Variants in ADAMTS12 observed in about 807,000 individuals in gnomAD.
The protein encoded by ADAMTS12 is A disintegrin and metalloproteinase with thrombospondin motifs 12.
A neutral mutation model predicts 167.8 loss-of-function variants in ADAMTS12; 118 were observed. The ratio of observed to expected loss-of-function variants is 0.70; its 90% CI spans 0.61 to 0.82. ADAMTS12 has a LOEUF of 0.82. Ranked by LOEUF, ADAMTS12 falls within the 40% of genes least tolerant of loss-of-function variation. The pLI is 0.00. For synonymous variants in ADAMTS12, 704 were observed against 716.9 expected, an observed-to-expected ratio of 0.98 and a Z score of 0.29; for missense variants, 1,916 against 1,998.8, an observed-to-expected ratio of 0.96 and a Z score of 0.79.
chr5:33,857,358 G>C (rs1749441749), intron 2 of ADAMTS12, among the ~76,000 whole-genome samples: 1 of 151,356 alleles, frequency 6.6e-6, no homozygotes, highest in South Asian at 2.1e-4. Flanking sequence ...TGTGACTGTT[G>C]TTAACAATAC....
chr5:33,806,047 T>C (rs994084278), intron 2 of ADAMTS12, among the ~76,000 whole-genome samples: 1 of 152,210 alleles, frequency 6.6e-6, no homozygotes, highest in African/African-American at 2.4e-5. Flanking sequence ...TAAAATTAGA[T>C]ACTTTTTTAC....
intron 2 of ADAMTS12, among the ~76,000 whole-genome samples, chr5:33,869,606 T>C (rs1361957414): frequency 6.6e-6 from 1 of 152,108 alleles, no homozygotes; most frequent in Non-Finnish European, 1.5e-5. Context: ...AAGTTTTTAT[T>C]AGCGATTTTC....
chr5:33,636,697 A>C (rs1740211831), intron 12 of ADAMTS12, among the ~76,000 whole-genome samples: 1 of 152,204 alleles, frequency 6.6e-6, no homozygotes, highest in African/African-American at 2.4e-5. Flanking sequence ...AAAATCATGA[A>C]AAATTTGATT....
At chr5:33,853,402 T>C (rs916005478) in intron 2 of ADAMTS12, among the ~76,000 whole-genome samples, 1 of 152,130 alleles carries the variant, frequency 6.6e-6, no homozygotes, top group African/African-American at 2.4e-5. Context: ...AGACAAGAAT[T>C]AAAGAGCATG....
In ADAMTS12 at chr5:33,631,483, GTTGAA is replaced by G. The variant is rs1235715337; in HGVS notation, c.1889-575_1889-571del. Among the ~76,000 whole-genome samples, 5 of 144,762 alleles carry G rather than the reference GTTGAA, an allele frequency of 3.5e-5. No individual in the cohort carries two copies. The East Asian group carries it at 1.0e-3, about 29-fold the overall frequency. 95.0% of individuals were successfully genotyped at this position (144,762 alleles called of 152,430 possible). On this transcript the variant is annotated intron_variant, in intron 12 of 23. Transcript: ENST00000504830. ...ACAACCATGTAGAAACATTTTTTTTGTTGAAGCTGAAGCCAACCTGCTTATCATAG... is the reference window on the plus strand; with the variant it reads ...ACAACCATGTAGAAACATTTTTTTTGGCTGAAGCCAACCTGCTTATCATAG...
intron 15 of ADAMTS12, among the ~76,000 whole-genome samples, chr5:33,615,051 T>C (rs1738925665): frequency 1.3e-5 from 2 of 152,200 alleles, no homozygotes; most frequent in Non-Finnish European, 2.9e-5. Context: ...TACTTCCCTC[T>C]CATGCAGGCA....
At chr5:33,593,719 T>C (rs1318704804) in intron 17 of ADAMTS12, among the ~76,000 whole-genome samples, 1 of 151,738 alleles carries the variant, frequency 6.6e-6, no homozygotes, top group Non-Finnish European at 1.5e-5. Context: ...TTAGGACAAA[T>C]ACCTAATGCA....
At chr5:33,537,825 T>C (rs1744493604) in intron 22 of ADAMTS12, among the ~76,000 whole-genome samples, 1 of 152,168 alleles carries the variant, frequency 6.6e-6, no homozygotes. Flanking sequence ...TTACAAACAG[T>C]ATAGCAACCT....
At position 33,781,119 on chromosome 5, in the gene ADAMTS12, C is replaced by G. The variant is rs896204812; in HGVS notation, c.490-29571G>C. On this transcript the variant is annotated intron_variant, in intron 2 of 23. Transcript: ENST00000504830. ...AGTTCTTGGGGGACATTTATTCTTT[C>G]AGACTTTATGCTGTAAGGTAAGAAA... Among the ~76,000 whole-genome samples the G allele has an allele frequency of 2.0e-5, 3 of 152,090 alleles. No individual in the cohort carries two copies. In the East Asian group the frequency reaches 5.8e-4, roughly 29 times the overall value.
intron 2 of ADAMTS12, among the ~76,000 whole-genome samples, chr5:33,877,667 C>G (rs1750280234): frequency 6.6e-6 from 1 of 152,146 alleles, no homozygotes; most frequent in Admixed American, 6.5e-5. Context: ...AGCTGCTGAG[C>G]CGAGACACGG....
chr5:33,722,394 G>C (rs561431092), intron 3 of ADAMTS12, among the ~76,000 whole-genome samples: 2 of 152,070 alleles, frequency 1.3e-5, no homozygotes, highest in Non-Finnish European at 2.9e-5. Context: ...GTGTTTTTAC[G>C]TTATTGATTT....
At chr5:33,579,413 C>A (rs1746938343) in intron 18 of ADAMTS12, among the ~76,000 whole-genome samples, 1 of 152,202 alleles carries the variant, frequency 6.6e-6, no homozygotes, top group Non-Finnish European at 1.5e-5. Flanking sequence ...AAGTATTAGA[C>A]TAGATAGTAA....
At chr5:33,646,727 C>A (rs536437694) in intron 9 of ADAMTS12, among the ~76,000 whole-genome samples, 1 of 112,366 alleles carries the variant, frequency 8.9e-6, no homozygotes, top group Non-Finnish European at 2.1e-5. Context: ...CAAAATAACA[C>A]GTAATATGTT....
rs1400666077 is a variant in ADAMTS12, at chr5:33,524,074, AAGGTTATC to A, written c.*3106_*3113del. ...CACATTGTGTTTCAGATACTGGATG[AAGGTTATC>A]AGAAACATTCACTGACTATCTGAAA... On this transcript the variant is annotated 3_prime_UTR_variant, in exon 24 of 24. Transcript: ENST00000504830. The A allele has an allele frequency of 6.6e-6, 1 of 152,318 alleles. No individual in the cohort carries two copies. The highest frequency in any genetic ancestry group is 2.4e-5 in the African/African-American group (1 of 41,456). The allele number at this position is 152,318 out of a possible 1,614,324, so 9.4% of individuals were successfully genotyped here.
intron 20 of ADAMTS12, among the ~76,000 whole-genome samples, chr5:33,560,580 A>T (rs897532156): frequency 7.9e-5 from 12 of 152,176 alleles, no homozygotes; most frequent in African/African-American, 2.9e-4. Context: ...ACCATGGAAT[A>T]CTATGCAGCC....
At chr5:33,541,112 C>G (rs4524515) in intron 22 of ADAMTS12, among the ~76,000 whole-genome samples, 2 of 152,068 alleles carry the variant, frequency 1.3e-5, no homozygotes, top group African/African-American at 2.4e-5. Flanking sequence ...ATGGCTAACT[C>G]GAATAAACAG....
chr5:33,805,399 C>T (rs565455214), intron 2 of ADAMTS12, among the ~76,000 whole-genome samples: 13 of 152,218 alleles, frequency 8.5e-5, no homozygotes, highest in African/African-American at 2.2e-4. Flanking sequence ...GTAGTTGAGC[C>T]GTATTCTCCA....
intron 2 of ADAMTS12, among the ~76,000 whole-genome samples, chr5:33,853,876 G>A (rs1190869344): frequency 6.6e-6 from 1 of 152,172 alleles, no homozygotes; most frequent in African/African-American, 2.4e-5. Flanking sequence ...TTTCTAACAA[G>A]CCCTCAGGTG....
chr5:33,596,051 C>T lies in ADAMTS12; in HGVS notation c.2537G>A (p.Arg846His), dbSNP rs771959905. 1.1e-5 allele frequency: 17 copies of T among 1,613,682 alleles called. No individual in the cohort carries two copies. Among genetic ancestry groups the T allele is most frequent in the Admixed American group, 3.3e-5 (2 of 59,990 alleles). ...CSVTCGTGIR[R>H]QTAHCIKKGR... ...CTTCTTTATGCAATGGGCAGTTTGGCGGCGGATACCTGGGGGTCAGACAGA... is the reference window on the plus strand; with the variant it reads ...CTTCTTTATGCAATGGGCAGTTTGGTGGCGGATACCTGGGGGTCAGACAGA... Residue 846 changes from arginine to histidine, a missense_variant, in exon 17 of 24, where the codon CGC (arginine) becomes CAC (histidine). Coordinates refer to ENST00000504830, the MANE Select transcript of ADAMTS12 (RefSeq NM_030955.4).
Sources: allele counts gnomAD v4.1 joint callset (sites outside exome capture counted in the v4.1 genomes callset), GRCh38; gene constraint gnomAD v4.1.1; transcripts MANE v1.5; gene names NCBI Gene and HGNC (gene_info 2026-07-23, HGNC 2026-07-21).